VCL: variants seen among roughly 807,000 people sequenced by gnomAD.
The protein encoded by VCL is vinculin, also known as epididymis luminal protein 114.
In VCL, 47 loss-of-function variants were observed where a neutral mutation model predicts 125.7. The observed-to-expected ratio is 0.37, with a 90% confidence interval of 0.30 to 0.48. VCL has a LOEUF of 0.48. Ranked by LOEUF, VCL falls within the 20% of genes least tolerant of loss-of-function variation. VCL has a pLI of 0.99. For missense variants in VCL, 1,069 were observed against 1,455.5 expected, an observed-to-expected ratio of 0.73 and a Z score of 4.32; for synonymous variants, 458 against 514.6, an observed-to-expected ratio of 0.89 and a Z score of 1.49.
At chr10:74,023,794 A>G (rs998046349) in intron 1 of VCL, among the ~76,000 whole-genome samples, 2 of 152,224 alleles carry the variant, frequency 1.3e-5, no homozygotes, top group Non-Finnish European at 1.5e-5. Flanking sequence ...ATGAAATACA[A>G]TCTGCAAAAG....
chr10:74,102,004 T>A (rs960858379), intron 14 of VCL, among the ~76,000 whole-genome samples: 2 of 149,062 alleles, frequency 1.3e-5, no homozygotes, highest in Non-Finnish European at 3.0e-5. Flanking sequence ...TAGCTGGGAT[T>A]ACAGGCACCC....
At chr10:74,068,349 G>T (rs191364723) in intron 2 of VCL, among the ~76,000 whole-genome samples, 6 of 150,794 alleles carry the variant, frequency 4.0e-5, no homozygotes, top group Admixed American at 4.0e-4. Context: ...TCTTTTTTTG[G>T]AGTCTTGCTC....
At chr10:74,073,768 C>T (rs545705212) in intron 5 of VCL, among the ~76,000 whole-genome samples, 61 of 152,224 alleles carry the variant, frequency 4.0e-4, no homozygotes, top group African/African-American at 1.4e-3. Context: ...CTAGTATATG[C>T]CAGACAGCTC....
At chr10:74,116,984 G>A (rs774970513) in intron 21 of VCL, among the ~76,000 whole-genome samples, 1 of 152,168 alleles carries the variant, frequency 6.6e-6, no homozygotes, top group Non-Finnish European at 1.5e-5. Context: ...AAATAGCCAA[G>A]AATTACTGAG....
At position 73,998,163 on chromosome 10, in the gene VCL, C is replaced by G. The variant is rs1379335354; in HGVS notation, c.-45C>G. On this transcript the variant is annotated 5_prime_UTR_variant, in exon 1 of 22. Transcript: ENST00000211998. Reference sequence around the variant, plus strand: ...TCGCCGGTTCCCGGCCCCGTGGATCCTACTTCTCTGTCGCCCGCGGTTCGC... The same window carrying G: ...TCGCCGGTTCCCGGCCCCGTGGATCGTACTTCTCTGTCGCCCGCGGTTCGC... The G allele has an allele frequency of 6.2e-7, 1 of 1,601,214 alleles. No homozygotes were observed. Among genetic ancestry groups the G allele is most frequent in the Non-Finnish European group, 8.5e-7 (1 of 1,174,042 alleles).
intron 2 of VCL, 97 bp downstream of exon 2, chr10:74,043,250 A>C: frequency 8.9e-7 from 1 of 1,120,900 alleles, no homozygotes. Context: ...TTTTGGTATA[A>C]AACTTTTGTT....
intron 21 of VCL, among the ~76,000 whole-genome samples, chr10:74,117,452 C>T (rs1004909897): frequency 6.6e-6 from 1 of 152,150 alleles, no homozygotes; most frequent in South Asian, 2.1e-4. Context: ...CCCAGGAGTA[C>T]GAGTCCAACC....
At chr10:74,051,483 T>G (rs1381676715) in intron 2 of VCL, among the ~76,000 whole-genome samples, 1 of 152,202 alleles carries the variant, frequency 6.6e-6, no homozygotes, top group Non-Finnish European at 1.5e-5. Flanking sequence ...CTTAAATACC[T>G]TGTATGAGCT....
chr10:74,118,244 C>T lies in VCL; in HGVS notation c.*75C>T. 6.3e-7 allele frequency: 1 copy of T among 1,592,228 alleles called. No individual in the cohort carries two copies. Among genetic ancestry groups the T allele is most frequent in the Non-Finnish European group, 8.6e-7 (1 of 1,167,190 alleles). ...AAATGATCTGAGTCCCAGGAGCTGC[C>T]CAGAGTTGCTGGGAGCTGAAAAATC... On this transcript the variant is annotated 3_prime_UTR_variant, in exon 22 of 22. Transcript: ENST00000211998.
intron 1 of VCL, among the ~76,000 whole-genome samples, chr10:74,007,219 TC>T (rs1391123542): frequency 2.0e-5 from 3 of 152,182 alleles, no homozygotes; most frequent in Non-Finnish European, 4.4e-5. Context: ...GCTCAAGTGA[TC>T]CACCTGCCTT....
At chr10:74,085,041 A>G (rs1839748834) in intron 8 of VCL, among the ~76,000 whole-genome samples, 1 of 152,194 alleles carries the variant, frequency 6.6e-6, no homozygotes, top group Non-Finnish European at 1.5e-5. Flanking sequence ...TCCTGAGTAG[A>G]TAGAACTATA....
chr10:74,045,265 GGATAGATAGATAGATAGATA>G (rs35058961), intron 2 of VCL, among the ~76,000 whole-genome samples: 40 of 147,236 alleles, frequency 2.7e-4, no homozygotes, highest in Admixed American at 5.4e-4. Context: ...ACAGAGAGAC[GGATAGATAGATAGATAGATA>G]GATAGATAGA....
At chr10:74,072,636 C>T in intron 4 of VCL, 94 bp from the exon 5 acceptor site, 1 of 1,591,368 alleles carries the variant, frequency 6.3e-7, no homozygotes. Context: ...TCGGTTTGAA[C>T]TTTCATAGTA....
At chr10:74,008,625 T>C (rs1840361931) in intron 1 of VCL, among the ~76,000 whole-genome samples, 1 of 152,238 alleles carries the variant, frequency 6.6e-6, no homozygotes, top group African/African-American at 2.4e-5. Context: ...TATCACAAAG[T>C]TGATCTGCTG....
intron 2 of VCL, among the ~76,000 whole-genome samples, chr10:74,056,479 A>G (rs949334903): frequency 1.3e-5 from 2 of 152,080 alleles, no homozygotes; most frequent in African/African-American, 4.8e-5. Flanking sequence ...ACTTTGCATT[A>G]TGTTGTACTT....
intron 7 of VCL, 136 bp from the exon 8 acceptor site, chr10:74,083,230 A>G (rs1445982681): frequency 2.8e-5 from 32 of 1,150,868 alleles, no homozygotes; most frequent in African/African-American, 4.7e-5. Flanking sequence ...GCTGTTAGCT[A>G]TCAGATATGT....
At chr10:74,007,111 C>T (rs1840334949) in intron 1 of VCL, among the ~76,000 whole-genome samples, 1 of 152,094 alleles carries the variant, frequency 6.6e-6, no homozygotes, top group Non-Finnish European at 1.5e-5. Flanking sequence ...TACAGGCTTA[C>T]ACCATCATGC....
At chr10:74,028,770 T>C (rs547959043) in intron 1 of VCL, among the ~76,000 whole-genome samples, 4 of 152,256 alleles carry the variant, frequency 2.6e-5, no homozygotes, top group African/African-American at 9.6e-5. Flanking sequence ...CATTTTATTT[T>C]CCCATAATTA....
intron 8 of VCL, among the ~76,000 whole-genome samples, chr10:74,087,016 T>TA (rs200430539): frequency 2.0e-5 from 3 of 150,992 alleles, no homozygotes; most frequent in Non-Finnish European, 3.0e-5. Context: ...GACTCTTTTT[T>TA]AAAAAAAAAA....
Sources: gnomAD v4.1 joint callset for allele counts (sites outside exome capture counted in the v4.1 genomes callset) on GRCh38, gnomAD v4.1.1 for gene constraint, MANE v1.5 for transcripts, NCBI Gene and HGNC (gene_info 2026-07-23, HGNC 2026-07-21) for gene names.